Variants in REDIC1 observed in about 807,000 individuals in gnomAD.
The protein encoded by REDIC1 is HEI10 Interacting Protein 1.
the REDIC1 span, among the ~76,000 whole-genome samples, chr12:39,792,667 GC>G: frequency 5.9e-5 from 9 of 152,174 alleles, no homozygotes; most frequent in East Asian, 1.7e-3. Flanking sequence ...CCTGCAGTTG[GC>G]CCTACAGATA....
the REDIC1 span, among the ~76,000 whole-genome samples, chr12:39,643,054 T>C: frequency 1.3e-5 from 2 of 151,788 alleles, no homozygotes; most frequent in African/African-American, 4.8e-5. Flanking sequence ...TTCATAGCAT[T>C]ATATTATGAG....
chr12:39,749,405 C>G, the REDIC1 span, among the ~76,000 whole-genome samples: 1 of 152,158 alleles, frequency 6.6e-6, no homozygotes, highest in Admixed American at 6.5e-5. Context: ...CAGTAACAGG[C>G]TCTGAAATTG....
the REDIC1 span, chr12:39,721,656 G>A: frequency 6.4e-6 from 1 of 156,512 alleles, no homozygotes; most frequent in Non-Finnish European, 1.4e-5. Flanking sequence ...TCCCTTTCAA[G>A]ATATTTAAGA....
chr12:39,712,975 ATATATACAT>A, the REDIC1 span, among the ~76,000 whole-genome samples: 1 of 21,238 alleles, frequency 4.7e-5, no homozygotes, highest in African/African-American at 1.7e-4. Context: ...GTGTATATGT[ATATATACAT>A]GTGTATATAC....
At chr12:39,897,187 C>G in the REDIC1 span, among the ~76,000 whole-genome samples, 2 of 152,120 alleles carry the variant, frequency 1.3e-5, no homozygotes, top group African/African-American at 4.8e-5. Context: ...AGGACTCAAT[C>G]TTTCCATCCA....
chr12:39,681,375 T>C, the REDIC1 span, among the ~76,000 whole-genome samples: 1 of 152,286 alleles, frequency 6.6e-6, no homozygotes, highest in Middle Eastern at 3.4e-3. Flanking sequence ...CAGTGTACAC[T>C]GCTTGGGTAA....
chr12:39,652,598 A>G, the REDIC1 span, among the ~76,000 whole-genome samples: 1 of 152,126 alleles, frequency 6.6e-6, no homozygotes, highest in African/African-American at 2.4e-5. Flanking sequence ...AATTTGATGA[A>G]GTCCGACATT....
chr12:39,749,173 C>G, the REDIC1 span, among the ~76,000 whole-genome samples: 5 of 151,928 alleles, frequency 3.3e-5, no homozygotes, highest in Admixed American at 2.6e-4. Context: ...AGACCACTAG[C>G]AAGACTAATA....
the REDIC1 span, among the ~76,000 whole-genome samples, chr12:39,713,440 A>G: frequency 1.0e-5 from 1 of 100,232 alleles, no homozygotes; most frequent in African/African-American, 3.3e-5. Context: ...ATGTGTACAT[A>G]TACATATGTA....
the REDIC1 span, among the ~76,000 whole-genome samples, chr12:39,744,087 G>C: frequency 2.0e-5 from 3 of 151,850 alleles, no homozygotes; most frequent in African/African-American, 7.3e-5. Context: ...AAAAAATATA[G>C]AAAGATCCAA....
At chr12:39,637,429 A>G in the REDIC1 span, among the ~76,000 whole-genome samples, 1 of 152,110 alleles carries the variant, frequency 6.6e-6, no homozygotes, top group South Asian at 2.1e-4. Flanking sequence ...GCTCACTCCC[A>G]ATCCTCTAGT....
At chr12:39,708,687 A>T in the REDIC1 span, among the ~76,000 whole-genome samples, 5 of 151,714 alleles carry the variant, frequency 3.3e-5, no homozygotes, top group African/African-American at 1.2e-4. Context: ...ATAACTTTCC[A>T]TATGTAGCTG....
chr12:39,717,456 A>G, the REDIC1 span, among the ~76,000 whole-genome samples: 1 of 152,042 alleles, frequency 6.6e-6, no homozygotes, highest in African/African-American at 2.4e-5. Flanking sequence ...GTAGGAATAG[A>G]TCATCATAAA....
the REDIC1 span, among the ~76,000 whole-genome samples, chr12:39,749,837 T>G: frequency 2.0e-5 from 3 of 152,202 alleles, no homozygotes; most frequent in African/African-American, 2.4e-5. Flanking sequence ...TCTCAATAGA[T>G]GCAGAAAAGG....
chr12:39,646,105 TTA>T, the REDIC1 span, among the ~76,000 whole-genome samples: 1 of 152,082 alleles, frequency 6.6e-6, no homozygotes, highest in South Asian at 2.1e-4. Flanking sequence ...TAGAACTAAA[TTA>T]ATAGGGCAGC....
chr12:39,832,158 T>G, the REDIC1 span, among the ~76,000 whole-genome samples: 1 of 152,166 alleles, frequency 6.6e-6, no homozygotes, highest in Non-Finnish European at 1.5e-5. Context: ...ACACTGGTGA[T>G]AAGCACACTA....
chr12:39,723,032 A>G, the REDIC1 span, among the ~76,000 whole-genome samples: 1 of 152,280 alleles, frequency 6.6e-6, no homozygotes, highest in Non-Finnish European at 1.5e-5. Flanking sequence ...GAGACCCAGT[A>G]AAGACTTTGA....
chr12:39,711,549 GCA>G, the REDIC1 span, among the ~76,000 whole-genome samples: 1 of 61,606 alleles, frequency 1.6e-5, no homozygotes, highest in South Asian at 5.6e-4. Context: ...ATATGTATGT[GCA>G]TACACATGCA....
At chr12:39,712,443 T>A in the REDIC1 span, among the ~76,000 whole-genome samples, 3 of 58,164 alleles carry the variant, frequency 5.2e-5, no homozygotes, top group Non-Finnish European at 1.4e-4. Context: ...CATACGTATA[T>A]GTATACATAC....
Sources: allele counts gnomAD v4.1 joint callset (sites outside exome capture counted in the v4.1 genomes callset), GRCh38; gene constraint gnomAD v4.1.1; transcripts MANE v1.5; gene names NCBI Gene and HGNC (gene_info 2026-07-23, HGNC 2026-07-21).